The following FOCAD variants were observed in gnomAD, a reference collection of about 807,000 sequenced individuals.
FOCAD encodes the protein focadhesin.
A neutral mutation model predicts 225.6 loss-of-function variants in FOCAD; 198 were observed. That is an observed-to-expected ratio of 0.88 (90% CI 0.78 to 0.99). FOCAD has a LOEUF of 0.99. Ranked by LOEUF, FOCAD falls within the 50% of genes least tolerant of loss-of-function variation. The pLI is 0.00. For synonymous variants in FOCAD, 897 were observed against 755.0 expected (o/e 1.19, Z -3.08); for missense variants, 2,713 against 2,123.6 (o/e 1.28, Z -5.46).
At chr9:20,871,275 G>A (rs979849626) in intron 18 of FOCAD, among the ~76,000 whole-genome samples, 1 of 152,044 alleles carries the variant, frequency 6.6e-6, no homozygotes, top group Non-Finnish European at 1.5e-5. Flanking sequence ...AGTTATAATA[G>A]GCAGGTCGTT....
chr9:20,866,917 T>TTTTTTTTTTTTTTTTTAAAA lies in FOCAD; in HGVS notation c.2107-12_2107-11insTTTTTTTTTTTTTTTTAAAA. The TTTTTTTTTTTTTTTTTAAAA allele has an allele frequency of 3.9e-6, 3 of 764,972 alleles. No individual in the cohort carries two copies. The highest frequency in any genetic ancestry group is 6.0e-6 in the Non-Finnish European group (3 of 498,468). The allele number at this position is 764,972 out of a possible 1,614,324, so 47.4% of individuals were successfully genotyped here. ...TTTTTTTTTTTTTTTTTTTTTTTTTTACCCTATCTAGGACCCAATTGTAGC... is the reference window on the plus strand; with the variant it reads ...TTTTTTTTTTTTTTTTTTTTTTTTTTTTTTTTTTTTTTTTTTAAAAACCCTATCTAGGACCCAATTGTAGC... On this transcript the variant is annotated splice_polypyrimidine_tract_variant and intron_variant, in intron 17 of 43. Transcript: ENST00000338382.
At chr9:20,814,319 A>C (rs934426592) in intron 11 of FOCAD, among the ~76,000 whole-genome samples, 1 of 148,734 alleles carries the variant, frequency 6.7e-6, no homozygotes, top group Admixed American at 6.7e-5. Context: ...TGATAGTGAC[A>C]CTTTGATTCA....
chr9:20,770,869 CTT>C (rs987181303), intron 8 of FOCAD, among the ~76,000 whole-genome samples: 1 of 152,038 alleles, frequency 6.6e-6, no homozygotes, highest in Admixed American at 6.6e-5. Context: ...ACCACTGTGA[CTT>C]TTTTTTCATT....
At chr9:20,934,473 C>G (rs1835769503) in intron 28 of FOCAD, among the ~76,000 whole-genome samples, 1 of 151,724 alleles carries the variant, frequency 6.6e-6, no homozygotes, top group South Asian at 2.1e-4. Flanking sequence ...CCAGTTACCC[C>G]CAGCACCATT....
At chr9:20,866,256 C>T (rs1015761868) in intron 17 of FOCAD, among the ~76,000 whole-genome samples, 3 of 145,366 alleles carry the variant, frequency 2.1e-5, no homozygotes, top group Non-Finnish European at 3.1e-5. Context: ...TATGGTCTTT[C>T]CCCTTTCCTG....
intron 28 of FOCAD, among the ~76,000 whole-genome samples, chr9:20,937,777 T>G (rs544840479): frequency 1.7e-4 from 26 of 152,048 alleles, no homozygotes; most frequent in African/African-American, 6.0e-4. Flanking sequence ...GAAACTACCA[T>G]CAGAGTGAAC....
At chr9:20,667,083 C>A (rs938560999) in intron 2 of FOCAD, among the ~76,000 whole-genome samples, 4 of 152,194 alleles carry the variant, frequency 2.6e-5, no homozygotes, top group African/African-American at 9.6e-5. Flanking sequence ...CTCCATTGTT[C>A]TCTGAAGCTA....
chr9:20,836,581 T>G (rs1424830191), intron 15 of FOCAD, among the ~76,000 whole-genome samples: 1 of 152,092 alleles, frequency 6.6e-6, no homozygotes, highest in Non-Finnish European at 1.5e-5. Context: ...TGAATCTATT[T>G]CCATGCTGAG....
intron 11 of FOCAD, among the ~76,000 whole-genome samples, chr9:20,801,916 C>T (rs1012042692): frequency 1.3e-5 from 2 of 152,098 alleles, no homozygotes; most frequent in African/African-American, 2.4e-5. Context: ...CCAGAAGTGT[C>T]GAGTGCAGTC....
intron 11 of FOCAD, among the ~76,000 whole-genome samples, chr9:20,802,189 T>G (rs1356945775): frequency 6.6e-6 from 1 of 152,170 alleles, no homozygotes; most frequent in Non-Finnish European, 1.5e-5. Flanking sequence ...AGCTGTGTCC[T>G]GTCATTCTTG....
chr9:20,811,518 C>T (rs1823075273), intron 11 of FOCAD, among the ~76,000 whole-genome samples: 1 of 151,998 alleles, frequency 6.6e-6, no homozygotes, highest in African/African-American at 2.4e-5. Context: ...CATTTCTTTC[C>T]TTGACCTTAT....
At chr9:20,877,104 C>T (rs1830287702) in intron 19 of FOCAD, among the ~76,000 whole-genome samples, 1 of 152,088 alleles carries the variant, frequency 6.6e-6, no homozygotes, top group Non-Finnish European at 1.5e-5. Flanking sequence ...AGAAAATTGA[C>T]ATTGGCACAA....
chr9:20,777,996 A>G (rs907029414), intron 8 of FOCAD, among the ~76,000 whole-genome samples: 4 of 145,208 alleles, frequency 2.8e-5, no homozygotes, highest in African/African-American at 1.0e-4. Flanking sequence ...AGGCTGAGGC[A>G]GGAGAATGGC....
intron 43 of FOCAD, among the ~76,000 whole-genome samples, chr9:20,994,980 A>ATG (rs34067385): frequency 9.8e-5 from 1 of 10,184 alleles, no homozygotes; most frequent in Non-Finnish European, 1.9e-4. Flanking sequence ...CTAAAATAAG[A>ATG]TATAAAAAAT....
At chr9:20,662,105 A>G (rs1341175846) in intron 2 of FOCAD, among the ~76,000 whole-genome samples, 1 of 152,222 alleles carries the variant, frequency 6.6e-6, no homozygotes, top group Non-Finnish European at 1.5e-5. Context: ...AGTGGATGGG[A>G]CATGATTTCA....
intron 11 of FOCAD, among the ~76,000 whole-genome samples, chr9:20,794,667 A>T (rs1820874012): frequency 6.6e-6 from 1 of 152,236 alleles, no homozygotes; most frequent in South Asian, 2.1e-4. Flanking sequence ...GATGAAGGGA[A>T]AATTGTAAGG....
chr9:20,695,267 G>A (rs1277851298), intron 1 of FOCAD, among the ~76,000 whole-genome samples: 1 of 152,120 alleles, frequency 6.6e-6, no homozygotes, highest in African/African-American at 2.4e-5. Flanking sequence ...AGGATACAAT[G>A]TGTGGTATTC....
intron 21 of FOCAD, among the ~76,000 whole-genome samples, chr9:20,886,626 G>A (rs549950201): frequency 1.7e-4 from 26 of 152,264 alleles, no homozygotes; most frequent in African/African-American, 5.5e-4. Flanking sequence ...TTGTGCTGTA[G>A]AGAGTCTAGA....
At chr9:20,917,089 T>C in intron 24 of FOCAD, 152 bp downstream of exon 24, 1 of 607,588 alleles carries the variant, frequency 1.6e-6, no homozygotes, top group Non-Finnish European at 2.8e-6. Flanking sequence ...TTACCCTTCT[T>C]ATAGTAGGTG....
Sources: allele counts gnomAD v4.1 joint callset (sites outside exome capture counted in the v4.1 genomes callset), GRCh38; gene constraint gnomAD v4.1.1; transcripts MANE v1.5; gene names NCBI Gene and HGNC (gene_info 2026-07-23, HGNC 2026-07-21).